Variants in RIPOR3 observed in about 807,000 individuals in gnomAD.
RIPOR3 encodes the protein RIPOR family member 3.
In RIPOR3, 95 loss-of-function variants were observed where a neutral mutation model predicts 114.3. The observed-to-expected ratio is 0.83, with a 90% CI of 0.70 to 0.99. RIPOR3 has a LOEUF of 0.99. RIPOR3 is among the 50% of genes least tolerant of loss of function. The pLI is 0.00. For synonymous variants in RIPOR3, 575 were observed against 543.8 expected, an observed-to-expected ratio of 1.06 and a Z score of -0.80; for missense variants, 1,252 against 1,266.9, an observed-to-expected ratio of 0.99 and a Z score of 0.18.
rs113442315 is a variant in RIPOR3 at position 50,600,496 on chromosome 20, C to A, written c.1659+1576G>T. 2.3e-3 allele frequency among the ~76,000 whole-genome samples: 357 copies of A among 152,268 alleles called. 1 individual carries two copies. Among genetic ancestry groups the A allele is most frequent in the Non-Finnish European group, 3.6e-3 (248 of 68,024 alleles). On this transcript the variant is annotated intron_variant, in intron 13 of 21. Coordinates refer to ENST00000327979, the MANE Select transcript of RIPOR3 (RefSeq NM_001290268.2). ...AAAAAGGTACAGGCACGATGGCTCA[C>A]GCCTGTAATCCCAACGCTTCGGGAG...
chr20:50,621,084 TC>T, intron 2 of RIPOR3: 1 of 305,364 alleles, frequency 3.3e-6, no homozygotes. Flanking sequence ...CTGAGCCCCC[TC>T]CCCTGCCCTC....
At chr20:50,668,652 T>G (rs1256910553) in intron 1 of RIPOR3, among the ~76,000 whole-genome samples, 3 of 149,864 alleles carry the variant, frequency 2.0e-5, no homozygotes, top group Non-Finnish European at 4.5e-5. Context: ...AGGTCAGGAG[T>G]TCAAGGCCAG....
At chr20:50,666,406 G>A (rs1220973823) in intron 1 of RIPOR3, among the ~76,000 whole-genome samples, 2 of 150,638 alleles carry the variant, frequency 1.3e-5, no homozygotes, top group Non-Finnish European at 2.9e-5. Context: ...TGTATTTTTA[G>A]TAGAGATGGG....
chr20:50,676,439 C>A (rs2086679397), intron 1 of RIPOR3, among the ~76,000 whole-genome samples: 1 of 151,986 alleles, frequency 6.6e-6, no homozygotes, highest in Non-Finnish European at 1.5e-5. Context: ...TTCGCTGGAG[C>A]CCAAGAGTTC....
At position 50,594,495 on chromosome 20, in the gene RIPOR3, C is replaced by G. The variant is rs528462806; in HGVS notation, c.2212+58G>C. 10 of 1,574,554 alleles carry G rather than the reference C, an allele frequency of 6.4e-6. No homozygotes were observed. In the Admixed American group the frequency reaches 1.7e-4, roughly 27 times the overall value. ...GCCAGCTGTGGCCACCCTGAAGGCC[C>G]TGGAGACTCAATACAGCCTTTCTGT... is the stretch of plus-strand genomic sequence containing the variant. On this transcript the variant is annotated intron_variant, in intron 17 of 21. Transcript: ENST00000327979.
In RIPOR3 at chr20:50,608,382, G is replaced by A. The variant is rs2083805664; in HGVS notation, c.956+7C>T. ...CCTCCGCTCTCCCCAGGCTGGACGG[G>A]ACTCACTTCCACTGCACCTCCAGCT... On this transcript the variant is annotated splice_region_variant and intron_variant, in intron 11 of 21. Coordinates refer to ENST00000327979, the MANE Select transcript of RIPOR3 (RefSeq NM_001290268.2). The A allele has an allele frequency of 6.2e-7, 1 of 1,613,834 alleles. No individual in the cohort carries two copies. Among genetic ancestry groups the A allele is most frequent in the East Asian group, 2.2e-5 (1 of 44,866 alleles).
intron 1 of RIPOR3, among the ~76,000 whole-genome samples, chr20:50,682,192 G>A (rs1384687483): frequency 6.6e-6 from 1 of 152,140 alleles, no homozygotes; most frequent in East Asian, 1.9e-4. Flanking sequence ...CAACCCACAT[G>A]GTCATAGACA....
At chr20:50,685,972 C>T (rs1050161018) in intron 1 of RIPOR3, among the ~76,000 whole-genome samples, 12 of 151,982 alleles carry the variant, frequency 7.9e-5, no homozygotes, top group Admixed American at 7.9e-4. Flanking sequence ...ATAGAATGAT[C>T]CCATTTTTGA....
intron 2 of RIPOR3, chr20:50,620,953 G>T: frequency 1.9e-6 from 1 of 528,808 alleles, no homozygotes; most frequent in Non-Finnish European, 3.7e-6. Context: ...AGGTCTCCAA[G>T]GACAAACAGG....
chr20:50,595,133 T>G (rs1007766186), intron 16 of RIPOR3: 3 of 571,150 alleles, frequency 5.3e-6, no homozygotes, highest in Non-Finnish European at 9.3e-6. Context: ...GGCTCAGAGA[T>G]GTGAATCATT....
intron 1 of RIPOR3, among the ~76,000 whole-genome samples, chr20:50,668,142 C>A (rs142551009): frequency 6.6e-6 from 1 of 152,134 alleles, no homozygotes; most frequent in African/African-American, 2.4e-5. Flanking sequence ...CTGCCAGTCC[C>A]GGGAGAACTG....
At chr20:50,663,484 G>A (rs2086075496) in intron 1 of RIPOR3, among the ~76,000 whole-genome samples, 1 of 152,184 alleles carries the variant, frequency 6.6e-6, no homozygotes, top group African/African-American at 2.4e-5. Flanking sequence ...AACTCTACCT[G>A]CTTCACAGGA....
chr20:50,596,744 C>T (rs2083304575), intron 14 of RIPOR3, among the ~76,000 whole-genome samples: 1 of 152,244 alleles, frequency 6.6e-6, no homozygotes, highest in South Asian at 2.1e-4. Flanking sequence ...TGGCACGAAA[C>T]ACCGCACTCG....
Position 50,602,029 on chromosome 20 carries a change from C to T in RIPOR3, c.1659+43G>A. Reference sequence around the variant, plus strand: ...AGCCCCCGACTCCCAGTCATCATGCCATCAGCAAAGCAGGGCCACCGCCCG... The same window carrying T: ...AGCCCCCGACTCCCAGTCATCATGCTATCAGCAAAGCAGGGCCACCGCCCG... On this transcript the variant is annotated intron_variant, in intron 13 of 21. Transcript: ENST00000327979. This position sits in a 1 kb window ranked among gnomAD's most constrained non-coding sequence, Gnocchi z 4.3. 2 of 1,440,402 alleles carry T rather than the reference C, an allele frequency of 1.4e-6. No homozygotes were observed. The highest frequency in any genetic ancestry group is 1.8e-6 in the Non-Finnish European group (2 of 1,097,750). The allele number at this position is 1,440,402 out of a possible 1,614,324, so 89.2% of individuals were successfully genotyped here. A position where few individuals can be genotyped will look rare whatever the true frequency, so the allele number is the denominator to read the frequency against.
intron 1 of RIPOR3, among the ~76,000 whole-genome samples, chr20:50,688,525 T>A (rs540751578): frequency 1.3e-5 from 2 of 152,344 alleles, no homozygotes; most frequent in African/African-American, 4.8e-5. Flanking sequence ...AACAATGGTG[T>A]GTTTAGCAAC....
intron 2 of RIPOR3, among the ~76,000 whole-genome samples, chr20:50,628,614 C>G (rs1348487393): frequency 6.6e-6 from 1 of 152,172 alleles, no homozygotes; most frequent in Non-Finnish European, 1.5e-5. Context: ...CTCCCCCACC[C>G]CCAGTTCAGT....
intron 5 of RIPOR3, 24 bp downstream of exon 5, chr20:50,611,157 C>T (rs2083963474): frequency 9.9e-6 from 16 of 1,614,212 alleles, no homozygotes; most frequent in Non-Finnish European, 1.4e-5. Context: ...CCCAGCCCAC[C>T]TCACTCACCG....
intron 11 of RIPOR3, 83 bp downstream of exon 11, chr20:50,608,306 C>T: frequency 6.3e-7 from 1 of 1,581,740 alleles, no homozygotes. Context: ...GAGGCTGGTG[C>T]AGGAACCCAG....
chr20:50,620,897 G>A, intron 2 of RIPOR3: 1 of 638,670 alleles, frequency 1.6e-6, no homozygotes, highest in East Asian at 3.4e-5. Context: ...GATCCGGGAG[G>A]TGTGTGGCTT....
Sources: allele counts gnomAD v4.1 joint callset (sites outside exome capture counted in the v4.1 genomes callset), GRCh38; gene constraint gnomAD v4.1.1; non-coding constraint Gnocchi (gnomAD v3.1); transcripts MANE v1.5; gene names NCBI Gene and HGNC (gene_info 2026-07-23, HGNC 2026-07-21).